Variants in DACH1 observed in about 807,000 individuals in gnomAD.
DACH1 encodes dachshund homolog 1.
DACH1 carries 12 observed loss-of-function variants against 54.2 expected under a neutral mutation model. The ratio of observed to expected loss-of-function variants is 0.22; its 90% CI spans 0.14 to 0.36. The LOEUF (loss-of-function observed/expected upper bound fraction) is 0.36. DACH1 is among the 10% of genes least tolerant of loss of function. The pLI, the probability that DACH1 is intolerant of heterozygous loss-of-function variation, is 1.00. For synonymous variants in DACH1, 386 were observed against 366.2 expected (o/e 1.05, Z -0.62); for missense variants, 805 against 929.8 (o/e 0.87, Z 1.75).
chr13:71,487,281 G>GA (rs1374950005), intron 7 of DACH1, among the ~76,000 whole-genome samples: 1 of 152,018 alleles, frequency 6.6e-6, no homozygotes, highest in Non-Finnish European at 1.5e-5. Context: ...CTACTCTTTT[G>GA]AAAATATGTC....
Position 71,773,504 on chromosome 13 carries a change from C to T in DACH1, c.849-91594G>A, listed in dbSNP as rs1032806808. Among the ~76,000 whole-genome samples the T allele has an allele frequency of 3.8e-4, 57 of 151,882 alleles. 2 individuals are homozygous for T. The highest frequency in any genetic ancestry group is 3.7e-3 in the Admixed American group (56 of 15,202). On this transcript the variant is annotated intron_variant, in intron 1 of 10. Coordinates refer to ENST00000613252, the MANE Select transcript of DACH1 (RefSeq NM_080759.6). ...AATGAAATGTTTGGTAATTGTAAAA[C>T]CTGACTTTTTAAACCAAAGCACCAA...
chr13:71,611,759 T>C (rs1875345524), intron 3 of DACH1, among the ~76,000 whole-genome samples: 1 of 152,190 alleles, frequency 6.6e-6, no homozygotes, highest in Non-Finnish European at 1.5e-5. Context: ...TCTCCAGAAA[T>C]ATGGACAATG....
At chr13:71,567,809 G>T (rs1481783851) in intron 4 of DACH1, among the ~76,000 whole-genome samples, 2 of 151,784 alleles carry the variant, frequency 1.3e-5, no homozygotes, top group East Asian at 1.9e-4. Flanking sequence ...AATATGCTGC[G>T]TTTCTTCCTT....
At chr13:71,846,491 A>C (rs1873275255) in intron 1 of DACH1, among the ~76,000 whole-genome samples, 1 of 152,256 alleles carries the variant, frequency 6.6e-6, no homozygotes, top group Non-Finnish European at 1.5e-5. Context: ...AAAATACAAA[A>C]ATAAGCCCGT....
At chr13:71,452,121 T>G in intron 10 of DACH1, among the ~76,000 whole-genome samples, 1 of 152,136 alleles carries the variant, frequency 6.6e-6, no homozygotes, top group East Asian at 1.9e-4. Context: ...TTGTTGTTTT[T>G]TTGTATTGTT....
chr13:71,767,626 A>C (rs1447371629), intron 1 of DACH1, among the ~76,000 whole-genome samples: 1 of 152,072 alleles, frequency 6.6e-6, no homozygotes, highest in African/African-American at 2.4e-5. Flanking sequence ...TCTCCAAGAC[A>C]AAAGACCTGG....
At chr13:71,681,764 AT>A in intron 2 of DACH1, 30 bp downstream of exon 2, 13 of 1,527,708 alleles carry the variant, frequency 8.5e-6, no homozygotes, top group South Asian at 4.6e-5. Flanking sequence ...GATTTTTAAT[AT>A]TTTTTGGCAT....
At chr13:71,617,415 C>T (rs955353783) in intron 3 of DACH1, among the ~76,000 whole-genome samples, 8 of 152,120 alleles carry the variant, frequency 5.3e-5, no homozygotes, top group Admixed American at 5.2e-4. Flanking sequence ...TGTAATACTG[C>T]CTGCACTGCA....
At chr13:71,571,788 T>A (rs1250315719) in intron 4 of DACH1, among the ~76,000 whole-genome samples, 2 of 146,766 alleles carry the variant, frequency 1.4e-5, no homozygotes, top group African/African-American at 5.1e-5. Flanking sequence ...CAGGCTGGAG[T>A]GCAGTGGCAC....
intron 1 of DACH1, among the ~76,000 whole-genome samples, chr13:71,859,787 G>C (rs979886534): frequency 6.6e-6 from 1 of 151,776 alleles, no homozygotes; most frequent in African/African-American, 2.4e-5. Context: ...TCCTAATGAA[G>C]TCATTCCTGT....
At chr13:71,817,365 A>G (rs1005037746) in intron 1 of DACH1, among the ~76,000 whole-genome samples, 1 of 152,186 alleles carries the variant, frequency 6.6e-6, no homozygotes, top group Non-Finnish European at 1.5e-5. Flanking sequence ...CTTTGCCATC[A>G]TTACAGCTCC....
chr13:71,805,200 C>T (rs1206650865), intron 1 of DACH1, among the ~76,000 whole-genome samples: 1 of 152,060 alleles, frequency 6.6e-6, no homozygotes, highest in Non-Finnish European at 1.5e-5. Context: ...AAGGTTTATA[C>T]ATTTGTATAC....
rs147776084 is a variant in DACH1, at chr13:71,709,206, C to G, written c.849-27296G>C. Among the ~76,000 whole-genome samples, 3 of 151,958 alleles carry G rather than the reference C, an allele frequency of 2.0e-5. No homozygotes were observed. The East Asian group carries it at 5.8e-4, about 29-fold the overall frequency. On this transcript the variant is annotated intron_variant, in intron 1 of 10. Coordinates refer to ENST00000613252, the MANE Select transcript of DACH1 (RefSeq NM_080759.6). ...TAGCCAAACTTAACTTATATATGTA[C>G]TTTTTTAAAATATCAATTCATCACT...
At chr13:71,719,037 T>A (rs1883112871) in intron 1 of DACH1, among the ~76,000 whole-genome samples, 1 of 152,146 alleles carries the variant, frequency 6.6e-6, no homozygotes, top group South Asian at 2.1e-4. Flanking sequence ...GGAGCTTTCT[T>A]TTCTGTTGGC....
At chr13:71,634,979 G>A (rs761189772) in intron 2 of DACH1, among the ~76,000 whole-genome samples, 9 of 152,120 alleles carry the variant, frequency 5.9e-5, no homozygotes, top group Non-Finnish European at 1.3e-4. Context: ...AAGGAGAGTA[G>A]GATTAGGATT....
chr13:71,827,350 T>G (rs1888420056), intron 1 of DACH1, among the ~76,000 whole-genome samples: 2 of 152,076 alleles, frequency 1.3e-5, no homozygotes. Flanking sequence ...TGCAGAAACT[T>G]AAAACTAATT....
chr13:71,846,769 G>A (rs562041453), intron 1 of DACH1, among the ~76,000 whole-genome samples: 1 of 152,292 alleles, frequency 6.6e-6, no homozygotes, highest in East Asian at 1.9e-4. Context: ...CAAACCTTAA[G>A]CAAGTAAACT....
At chr13:71,837,251 T>C (rs551599947) in intron 1 of DACH1, among the ~76,000 whole-genome samples, 2 of 152,174 alleles carry the variant, frequency 1.3e-5, no homozygotes, top group Non-Finnish European at 2.9e-5. Flanking sequence ...TGATAATATA[T>C]AAAAGCATTT....
intron 3 of DACH1, among the ~76,000 whole-genome samples, chr13:71,601,866 A>G (rs1439140813): frequency 6.6e-6 from 1 of 151,834 alleles, no homozygotes. Context: ...TCAACATTTG[A>G]CTCTTGTACA....
Sources: allele counts gnomAD v4.1 joint callset (sites outside exome capture counted in the v4.1 genomes callset), GRCh38; gene constraint gnomAD v4.1.1; transcripts MANE v1.5; gene names NCBI Gene and HGNC (gene_info 2026-07-23, HGNC 2026-07-21).